The following CPA6 variants were observed in gnomAD, a reference collection of about 807,000 sequenced individuals.
The protein encoded by CPA6 is carboxypeptidase B.
CPA6 carries 58 observed loss-of-function variants against 63.3 expected under a neutral mutation model. The observed-to-expected ratio is 0.92, with a 90% CI of 0.74 to 1.14. The LOEUF is 1.14. Ranked by LOEUF, CPA6 falls within the 50% of genes most tolerant of loss-of-function variation. CPA6 has a pLI of 0.00. For synonymous variants in CPA6, 185 were observed against 179.0 expected, an observed-to-expected ratio of 1.03 and a Z score of -0.27; for missense variants, 565 against 526.6, an observed-to-expected ratio of 1.07 and a Z score of -0.71.
At chr8:67,632,486 T>A (rs536622332) in intron 1 of CPA6, among the ~76,000 whole-genome samples, 60 of 151,940 alleles carry the variant, frequency 3.9e-4, no homozygotes, top group South Asian at 2.1e-3. Flanking sequence ...TAAAAAAAAA[T>A]TTTTTTTAGA....
At chr8:67,647,275 G>T (rs1563375960) in intron 1 of CPA6, among the ~76,000 whole-genome samples, 3 of 152,030 alleles carry the variant, frequency 2.0e-5, no homozygotes, top group African/African-American at 7.2e-5. Flanking sequence ...CAAATATCAA[G>T]CTCCTTTTCC....
intron 1 of CPA6, among the ~76,000 whole-genome samples, chr8:67,730,868 T>C (rs746037685): frequency 6.6e-6 from 1 of 152,194 alleles, no homozygotes; most frequent in Non-Finnish European, 1.5e-5. Flanking sequence ...AAAAATACAA[T>C]GTGTTTACCA....
At chr8:67,606,986 A>C (rs1814653716) in intron 2 of CPA6, among the ~76,000 whole-genome samples, 1 of 152,172 alleles carries the variant, frequency 6.6e-6, no homozygotes, top group Non-Finnish European at 1.5e-5. Context: ...CGCAGAAACT[A>C]TATGGGCTTC....
intron 6 of CPA6, among the ~76,000 whole-genome samples, chr8:67,500,590 A>G (rs1240450619): frequency 6.6e-6 from 1 of 152,068 alleles, no homozygotes; most frequent in Non-Finnish European, 1.5e-5. Context: ...TTTTGGTGTC[A>G]AATCAAAGAA....
At chr8:67,563,655 A>AT (rs1813267916) in intron 2 of CPA6, among the ~76,000 whole-genome samples, 2 of 152,126 alleles carry the variant, frequency 1.3e-5, no homozygotes, top group South Asian at 4.1e-4. Context: ...CTCAGGGACG[A>AT]TTGATTGATA....
chr8:67,689,026 CTGGAA>C (rs1816763536), intron 1 of CPA6, among the ~76,000 whole-genome samples: 1 of 151,240 alleles, frequency 6.6e-6, no homozygotes, highest in South Asian at 2.1e-4. Flanking sequence ...GTCACCCAGG[CTGGAA>C]TGCAGTGGAG....
chr8:67,631,963 C>T (rs565768900), intron 1 of CPA6, among the ~76,000 whole-genome samples: 2 of 152,292 alleles, frequency 1.3e-5, no homozygotes, highest in South Asian at 4.1e-4. Flanking sequence ...GAAGGAACAA[C>T]TCCAGACACA....
intron 2 of CPA6, among the ~76,000 whole-genome samples, chr8:67,622,900 G>A (rs114051136): frequency 0.015 from 2,217 of 152,236 alleles, 40 homozygotes; most frequent in African/African-American, 0.05. Context: ...TTGTGTTTTG[G>A]TAGGCATGGA....
At chr8:67,574,534 A>C (rs1326113235) in intron 2 of CPA6, among the ~76,000 whole-genome samples, 1 of 152,228 alleles carries the variant, frequency 6.6e-6, no homozygotes, top group East Asian at 1.9e-4. Context: ...TACTAGCATA[A>C]AATAGACACA....
Position 67,600,411 on chromosome 8 carries a change from G to T in CPA6, c.192+23765C>A, listed in dbSNP as rs373390665. On this transcript the variant is annotated intron_variant, in intron 2 of 10. Coordinates refer to ENST00000297770, the MANE Select transcript of CPA6 (RefSeq NM_020361.5). ...TGTTGGTCAAAAGATACAAAATTTAGTTAGGAGAAATAGTTCAAAAGATCT... is the reference window on the plus strand; with the variant it reads ...TGTTGGTCAAAAGATACAAAATTTATTTAGGAGAAATAGTTCAAAAGATCT... Among the ~76,000 whole-genome samples the T allele has an allele frequency of 9.9e-5, 15 of 152,258 alleles. No homozygotes were observed. In the East Asian group the frequency reaches 2.7e-3, roughly 27 times the overall value.
intron 1 of CPA6, among the ~76,000 whole-genome samples, chr8:67,663,190 A>G (rs982939561): frequency 6.6e-6 from 1 of 152,206 alleles, no homozygotes; most frequent in African/African-American, 2.4e-5. Flanking sequence ...CTCAAGGCAA[A>G]TATAAAACAG....
intron 8 of CPA6, among the ~76,000 whole-genome samples, chr8:67,476,537 A>ATC (rs1038923051): frequency 2.9e-4 from 41 of 141,518 alleles, no homozygotes; most frequent in Middle Eastern, 3.6e-3. Context: ...TACATTCCCA[A>ATC]TCTCTCTCTC....
chr8:67,565,541 A>G (rs1217500507), intron 2 of CPA6, among the ~76,000 whole-genome samples: 1 of 152,206 alleles, frequency 6.6e-6, no homozygotes, highest in Non-Finnish European at 1.5e-5. Context: ...ACAAGTCACT[A>G]CAGACACAGA....
intron 8 of CPA6, among the ~76,000 whole-genome samples, chr8:67,435,822 C>T (rs1341194275): frequency 6.6e-6 from 1 of 151,746 alleles, no homozygotes; most frequent in Non-Finnish European, 1.5e-5. Flanking sequence ...TTAACAAACA[C>T]CAGAGCAGTA....
chr8:67,700,481 T>C (rs1028120967), intron 1 of CPA6, among the ~76,000 whole-genome samples: 1 of 150,028 alleles, frequency 6.7e-6, no homozygotes, highest in Non-Finnish European at 1.5e-5. Context: ...AAAGGACTTG[T>C]AAGTCAATAG....
chr8:67,727,265 G>A (rs1410922136), intron 1 of CPA6, among the ~76,000 whole-genome samples: 1 of 152,102 alleles, frequency 6.6e-6, no homozygotes, highest in Non-Finnish European at 1.5e-5. Context: ...CAAAACTACT[G>A]ATACCTTTGT....
At chr8:67,582,746 C>CATT (rs36091673) in intron 2 of CPA6, among the ~76,000 whole-genome samples, 88,083 of 151,826 alleles carry the variant, frequency 0.58, 27,883 homozygotes, top group African/African-American at 0.84. Flanking sequence ...TTTTTCATGT[C>CATT]AGTCATGGTT....
chr8:67,701,464 GT>G (rs1380785045), intron 1 of CPA6, among the ~76,000 whole-genome samples: 2 of 152,212 alleles, frequency 1.3e-5, no homozygotes. Context: ...CACCGTGACT[GT>G]GGAACCGAGT....
At chr8:67,674,819 C>T (rs1465826093) in intron 1 of CPA6, among the ~76,000 whole-genome samples, 1 of 152,148 alleles carries the variant, frequency 6.6e-6, no homozygotes, top group African/African-American at 2.4e-5. Flanking sequence ...GGTACATATA[C>T]ACCACGGAAT....
Sources: allele counts gnomAD v4.1 joint callset (sites outside exome capture counted in the v4.1 genomes callset), GRCh38; gene constraint gnomAD v4.1.1; transcripts MANE v1.5; gene names NCBI Gene and HGNC (gene_info 2026-07-23, HGNC 2026-07-21).